NLN: variants seen among roughly 807,000 people sequenced by gnomAD.
NLN encodes neurolysin, mitochondrial.
NLN carries 64 observed loss-of-function variants against 79.9 expected under a neutral mutation model. That is an observed-to-expected ratio of 0.80 (90% CI 0.65 to 0.99). The LOEUF is 0.99. Among genes scored for constraint, NLN ranks in the 50% least tolerant of loss-of-function variants. The pLI is 0.00. For missense variants in NLN, 835 were observed against 858.7 expected (o/e 0.97, Z 0.34); for synonymous variants, 267 against 296.6 (o/e 0.90, Z 1.02).
chr5:65,804,721 T>C (rs1760370320), intron 9 of NLN, among the ~76,000 whole-genome samples: 1 of 152,104 alleles, frequency 6.6e-6, no homozygotes, highest in Admixed American at 6.6e-5. Flanking sequence ...TTAGTAGACA[T>C]GGGTTCACCG....
chr5:65,754,207 T>C (rs1298672492), intron 1 of NLN, among the ~76,000 whole-genome samples: 1 of 152,244 alleles, frequency 6.6e-6, no homozygotes, highest in African/African-American at 2.4e-5. Context: ...CTATGGGCTC[T>C]ATGGTGTCTT....
intron 1 of NLN, among the ~76,000 whole-genome samples, chr5:65,734,275 C>T (rs931405467): frequency 1.4e-5 from 2 of 139,364 alleles, no homozygotes; most frequent in African/African-American, 5.5e-5. Context: ...GCTGGGTTTA[C>T]AGGCATGAGC....
rs966548482 is a variant in NLN, at chr5:65,822,838, G to C, written c.2038G>C (p.Asp680His). The C allele has an allele frequency of 3.4e-5, 54 of 1,611,704 alleles. No homozygotes were observed. The highest frequency in any genetic ancestry group is 4.3e-5 in the Non-Finnish European group (51 of 1,177,944). The change falls in exon 13 of 13, where the codon GAC becomes CAC. Residue 680 changes from aspartate to histidine, a missense_variant. Asp to His is a moderately conservative substitution (Grantham distance 81). Transcript: ENST00000380985. ...ACCTGGGGGATCTCTGGACGGCATG[G>C]ACATGCTCCACAATTTCTTGAAACG... ...LKPGGSLDGM[D>H]MLHNFLKREP...
intron 9 of NLN, among the ~76,000 whole-genome samples, chr5:65,793,963 T>G (rs191058429): frequency 6.6e-6 from 1 of 152,308 alleles, no homozygotes; most frequent in Admixed American, 6.5e-5. Context: ...TCCTTAATGG[T>G]CTTTATACAG....
chr5:65,772,687 T>G (rs1187460498), intron 3 of NLN, among the ~76,000 whole-genome samples: 1 of 152,090 alleles, frequency 6.6e-6, no homozygotes, highest in Non-Finnish European at 1.5e-5. Context: ...TTTGTTTTTT[T>G]GGTTTTGGGG....
At chr5:65,763,537 A>T (rs1200911199) in intron 3 of NLN, among the ~76,000 whole-genome samples, 1 of 151,878 alleles carries the variant, frequency 6.6e-6, no homozygotes, top group African/African-American at 2.4e-5. Context: ...ATTTTTCAAG[A>T]CTTGGGGAAA....
intron 1 of NLN, among the ~76,000 whole-genome samples, chr5:65,753,667 C>T (rs1759152898): frequency 6.6e-6 from 1 of 151,342 alleles, no homozygotes; most frequent in South Asian, 2.1e-4. Context: ...AAAAAAAAAC[C>T]TGAATATTAA....
intron 1 of NLN, among the ~76,000 whole-genome samples, chr5:65,728,341 A>G (rs1758525263): frequency 6.6e-6 from 1 of 152,144 alleles, no homozygotes; most frequent in African/African-American, 2.4e-5. Context: ...GATGTATGCA[A>G]TTTGATTAAT....
intron 12 of NLN, chr5:65,818,613 T>A (rs907352188): frequency 2.0e-5 from 3 of 152,262 alleles, no homozygotes; most frequent in Admixed American, 6.5e-5. Flanking sequence ...TTTTAATTTT[T>A]GTCCATTCAA....
chr5:65,809,558 T>C lies in NLN; in HGVS notation c.1571T>C (p.Phe524Ser), dbSNP rs1277525570. The C allele has an allele frequency of 6.2e-7, 1 of 1,611,206 alleles. No individual in the cohort carries two copies. Among genetic ancestry groups the C allele is most frequent in the Non-Finnish European group, 8.5e-7 (1 of 1,179,356 alleles). The change falls in exon 10 of 13, where the codon TTT becomes TCT. Residue 524 changes from phenylalanine to serine, a missense_variant. Coordinates refer to ENST00000380985, the MANE Select transcript of NLN (RefSeq NM_020726.5). ...RFSGTNVETDFVEVPSQMLEN... is the reference protein window; with the variant it reads ...RFSGTNVETDSVEVPSQMLEN... Reference sequence around the variant, plus strand: ...AGCGGAACAAATGTGGAAACTGACTTTGTAGAGGTGCCATCGCAAATGCTT... The same window carrying C: ...AGCGGAACAAATGTGGAAACTGACTCTGTAGAGGTGCCATCGCAAATGCTT...
intron 9 of NLN, among the ~76,000 whole-genome samples, chr5:65,794,397 G>A (rs1448237480): frequency 1.3e-5 from 2 of 152,108 alleles, no homozygotes; most frequent in East Asian, 1.9e-4. Flanking sequence ...GATCGCCTGA[G>A]CTCAGGAGTT....
chr5:65,782,764 A>C (rs1032982968), intron 6 of NLN, among the ~76,000 whole-genome samples: 1 of 152,302 alleles, frequency 6.6e-6, no homozygotes, highest in African/African-American at 2.4e-5. Flanking sequence ...ACCCAAGCTT[A>C]TCTCTCCCAT....
chr5:65,727,200 C>CT (rs1758493728), intron 1 of NLN, among the ~76,000 whole-genome samples: 1 of 152,192 alleles, frequency 6.6e-6, no homozygotes, highest in Non-Finnish European at 1.5e-5. Flanking sequence ...AGGTCTCACT[C>CT]TGTCATCCAG....
At chr5:65,801,100 C>A (rs1189104188) in intron 9 of NLN, among the ~76,000 whole-genome samples, 1 of 151,250 alleles carries the variant, frequency 6.6e-6, no homozygotes, top group Admixed American at 6.6e-5. Flanking sequence ...TTTCCTGCAG[C>A]AAAAAAAATG....
At position 65,787,188 on chromosome 5, in the gene NLN, T is replaced by C. The variant is rs534637031; in HGVS notation, c.959-930T>C. On this transcript the variant is annotated intron_variant, in intron 7 of 12. Coordinates refer to ENST00000380985, the MANE Select transcript of NLN (RefSeq NM_020726.5). ...GATCCCTTGAATCTGAGAGTTGGAGTCCAGCCTGGGCAACATAGCAAAACT... is the reference window on the plus strand; with the variant it reads ...GATCCCTTGAATCTGAGAGTTGGAGCCCAGCCTGGGCAACATAGCAAAACT... Among the ~76,000 whole-genome samples the C allele has an allele frequency of 1.2e-4, 19 of 152,058 alleles. 1 individual carries two copies. In the South Asian group the frequency reaches 3.9e-3, roughly 32 times the overall value.
chr5:65,763,704 T>G (rs1759389170), intron 3 of NLN, among the ~76,000 whole-genome samples: 2 of 151,084 alleles, frequency 1.3e-5, no homozygotes, highest in South Asian at 4.2e-4. Flanking sequence ...AGGCTTTTTT[T>G]TTGTTTAATT....
chr5:65,800,571 A>T (rs1760262995), intron 9 of NLN, among the ~76,000 whole-genome samples: 1 of 152,146 alleles, frequency 6.6e-6, no homozygotes, highest in African/African-American at 2.4e-5. Flanking sequence ...GCTACTCGGG[A>T]GGCAGGAGAA....
At chr5:65,791,642 G>A (rs1347252926) in intron 8 of NLN, among the ~76,000 whole-genome samples, 8 of 152,016 alleles carry the variant, frequency 5.3e-5, no homozygotes, top group African/African-American at 1.7e-4. Flanking sequence ...AGAATTGCTT[G>A]AACCTGGGAG....
intron 3 of NLN, among the ~76,000 whole-genome samples, chr5:65,768,834 A>G (rs1429366271): frequency 6.6e-6 from 1 of 152,216 alleles, no homozygotes; most frequent in Non-Finnish European, 1.5e-5. Flanking sequence ...AAAGGCCACA[A>G]TCCTGTCAGA....
Sources: gnomAD v4.1 joint callset for allele counts (sites outside exome capture counted in the v4.1 genomes callset) on GRCh38, gnomAD v4.1.1 for gene constraint, MANE v1.5 for transcripts, NCBI Gene and HGNC (gene_info 2026-07-23, HGNC 2026-07-21) for gene names.